Variants in GLI3 observed in about 807,000 individuals in gnomAD.
GLI3 encodes the protein GLI family zinc finger 3, also known as transcription activator GLI3.
GLI3 carries 20 observed loss-of-function variants against 100.8 expected under a neutral mutation model. That is an observed-to-expected ratio of 0.20 (90% CI 0.14 to 0.29). The LOEUF (loss-of-function observed/expected upper bound fraction) is 0.29, where lower values mean the gene tolerates loss of function less well. Ranked by LOEUF, GLI3 falls within the 10% of genes least tolerant of loss-of-function variation. The probability of loss-of-function intolerance (pLI) is 1.00; values close to 1 mark genes in which losing one functional copy is unlikely to be tolerated. For missense variants in GLI3, 2,040 were observed against 2,128.5 expected (o/e 0.96, Z 0.82); for synonymous variants, 938 against 860.5 (o/e 1.09, Z -1.58).
At chr7:42,029,775 C>G (rs76610914) in intron 7 of GLI3, among the ~76,000 whole-genome samples, 2,068 of 152,200 alleles carry the variant, frequency 0.014, 104 homozygotes, top group East Asian at 0.096. Context: ...ACTCATGCCC[C>G]ATCAAAACGA....
intron 10 of GLI3, among the ~76,000 whole-genome samples, chr7:41,994,195 C>T (rs1236223741): frequency 6.6e-6 from 1 of 152,120 alleles, no homozygotes; most frequent in Non-Finnish European, 1.5e-5. Context: ...CCAAGTTATC[C>T]TTGACAAGAT....
Position 42,048,605 on chromosome 7 carries a change from G to A in GLI3, c.565C>T (p.Pro189Ser), listed in dbSNP as rs201940674. 354 of 1,611,664 alleles carry A rather than the reference G, an allele frequency of 2.2e-4. No homozygotes were observed. Among genetic ancestry groups the A allele is most frequent in the Non-Finnish European group, 2.3e-4 (268 of 1,179,152 alleles). ...HRNPTAASESPFSPPHPYINP... is the reference protein window; with the variant it reads ...HRNPTAASESSFSPPHPYINP... Reference sequence around the variant, plus strand: ...ATGTAGGGATGTGGAGGGCTGAAGGGAGACTCGGAAGCAGCAGTGGGGTTC... The same window carrying A: ...ATGTAGGGATGTGGAGGGCTGAAGGAAGACTCGGAAGCAGCAGTGGGGTTC... The change falls in exon 5 of 15, where the codon CCC becomes TCC. Residue 189 changes from proline to serine, a missense_variant. Coordinates refer to ENST00000395925, the MANE Select transcript of GLI3 (RefSeq NM_000168.6).
rs1036583108 is a variant in GLI3, at chr7:41,966,161, G to A, written c.2912C>T (p.Pro971Leu). The A allele has an allele frequency of 2.5e-6, 4 of 1,599,722 alleles. No homozygotes were observed. Among genetic ancestry groups the A allele is most frequent in the Non-Finnish European group, 3.4e-6 (4 of 1,176,304 alleles). Residue 971 changes from proline (P) to leucine (L), a missense_variant, in exon 15 of 15, where the codon CCT (proline) becomes CTT (leucine). Transcript: ENST00000395925. This position sits in a 1 kb window ranked among gnomAD's most constrained non-coding sequence, Gnocchi z 5.8. Reference protein sequence around the residue: ...GDALEPGVALPPVHAPRRCSD... With the variant: ...GDALEPGVALLPVHAPRRCSD... ...GCACCTCCTCGGGGCATGAACTGGA[G>A]GCAGGGCCACGCCAGGCTCGAGGGC...
chr7:41,975,842 A>G (rs1319770141), intron 12 of GLI3, among the ~76,000 whole-genome samples: 1 of 152,250 alleles, frequency 6.6e-6, no homozygotes. Flanking sequence ...CATCTATAGG[A>G]ATGAATGCCC....
intron 3 of GLI3, among the ~76,000 whole-genome samples, chr7:42,080,773 T>C (rs2128752998): frequency 6.6e-6 from 1 of 152,324 alleles, no homozygotes; most frequent in South Asian, 2.1e-4. Context: ...GTACTTGCCT[T>C]GCTGGTGTCT....
rs535443608 is a variant in GLI3 at position 41,967,846 on chromosome 7, C to T, written c.2181G>A (p.Gly727=). The T allele has an allele frequency of 2.5e-6, 4 of 1,614,096 alleles. No individual in the cohort carries two copies. The highest frequency in any genetic ancestry group is 3.3e-5 in the Admixed American group (2 of 60,020). The change falls in exon 14 of 15, where the codon GGG becomes GGA. Residue 727 remains glycine (G), a synonymous_variant. Coordinates refer to ENST00000395925, the MANE Select transcript of GLI3 (RefSeq NM_000168.6). ...QSPISNYSNS[G]LELPLTDGGS... ...CTCCATCGGTCAGAGGAAGCTCGAG[C>T]CCACTGTTGGAATAGTTGCTGATGG...
rs751849855 is a variant in GLI3, at chr7:42,048,473, A to T, written c.679+18T>A. On this transcript the variant is annotated intron_variant, in intron 5 of 14. Coordinates refer to ENST00000395925, the MANE Select transcript of GLI3 (RefSeq NM_000168.6). ...GAGGCTGCATGATCTCCAGAAGCAG[A>T]ATCCATCCTGGACTTACCATCTGTA... is the stretch of plus-strand genomic sequence containing the variant. 1 of 1,556,942 alleles carries T rather than the reference A, an allele frequency of 6.4e-7. No homozygotes were observed. The highest frequency in any genetic ancestry group is 1.7e-5 in the Admixed American group (1 of 59,892).
At chr7:42,020,324 G>C (rs1788900174) in intron 10 of GLI3, among the ~76,000 whole-genome samples, 1 of 152,158 alleles carries the variant, frequency 6.6e-6, no homozygotes, top group Non-Finnish European at 1.5e-5. Context: ...GCAGCTCAAC[G>C]ACTGAACCAG....
At chr7:42,218,327 T>C (rs945282866) in intron 2 of GLI3, among the ~76,000 whole-genome samples, 3 of 151,814 alleles carry the variant, frequency 2.0e-5, no homozygotes, top group Non-Finnish European at 2.9e-5. Context: ...GAGCTTATGG[T>C]GAAGAATAGC....
rs574331872 is a variant in GLI3 at position 42,149,648 on chromosome 7, C to G, written c.125-1180G>C. ...CCACTTAGACATCTAATGTAAAAAC[C>G]GTTTCCTATTCCTATCTTAAAAAAA... On this transcript the variant is annotated intron_variant, in intron 2 of 14. Transcript: ENST00000395925. Among the ~76,000 whole-genome samples the G allele has an allele frequency of 3.7e-4, 57 of 152,188 alleles. 2 individuals are homozygous for G. The South Asian group carries it at 0.012, about 31-fold the overall frequency.
In GLI3 at chr7:42,194,759, C is replaced by CT. The variant is rs61524545; in HGVS notation, c.124+28370dup. The stretch of plus-strand genomic sequence containing the variant: ...AATGCATCAACTTCTCTCTCTGTCT[C>CT]TTTTTTTTTTTTTTTTTGGAGTCGG... On this transcript the variant is annotated intron_variant, in intron 2 of 14. Transcript: ENST00000395925. 4.4e-3 allele frequency among the ~76,000 whole-genome samples: 482 copies of CT among 108,950 alleles called. 11 individuals carry two copies. Among genetic ancestry groups the CT allele is most frequent in the African/African-American group, 0.011 (281 of 24,722 alleles). 71.5% of individuals were successfully genotyped at this position (108,950 alleles called of 152,430 possible). A position where few individuals can be genotyped will look rare whatever the true frequency, so the allele number is the denominator to read the frequency against.
intron 3 of GLI3, among the ~76,000 whole-genome samples, chr7:42,142,775 C>CA (rs776578172): frequency 0.02 from 2,645 of 131,508 alleles, 73 homozygotes; most frequent in African/African-American, 0.067. Context: ...CTAAAAAATA[C>CA]AAAAAAAAAA....
At chr7:42,185,647 C>A (rs1234965157) in intron 2 of GLI3, among the ~76,000 whole-genome samples, 2 of 152,214 alleles carry the variant, frequency 1.3e-5, no homozygotes, top group Non-Finnish European at 2.9e-5. Context: ...CCCTTGTGCA[C>A]TCCTATGCAC....
chr7:42,219,591 T>C (rs1287044384), intron 2 of GLI3, among the ~76,000 whole-genome samples: 1 of 152,206 alleles, frequency 6.6e-6, no homozygotes, highest in African/African-American at 2.4e-5. Flanking sequence ...ACGCATGTTA[T>C]TCCAGGAGCA....
At chr7:42,109,323 T>G (rs551581286) in intron 3 of GLI3, among the ~76,000 whole-genome samples, 5 of 152,322 alleles carry the variant, frequency 3.3e-5, no homozygotes, top group Admixed American at 2.0e-4. Context: ...TTGCTTTCAC[T>G]GACAGGCAAC....
intron 5 of GLI3, 115 bp downstream of exon 5, chr7:42,048,376 C>G (rs183199898): frequency 1.3e-6 from 1 of 790,858 alleles, no homozygotes. Flanking sequence ...CAGAGCACAG[C>G]GCCTGGCACA....
In GLI3 at chr7:41,972,729, A is replaced by G. The variant is rs1787398813; in HGVS notation, c.1813-102T>C. 3 of 955,380 alleles carry G rather than the reference A, an allele frequency of 3.1e-6. No individual in the cohort carries two copies. In the South Asian group the frequency reaches 4.1e-5, roughly 13 times the overall value. The allele number at this position is 955,380 out of a possible 1,614,324, so 59.2% of individuals were successfully genotyped here. On this transcript the variant is annotated intron_variant, in intron 12 of 14. Transcript: ENST00000395925. This position sits in a 1 kb window ranked among gnomAD's most constrained non-coding sequence, Gnocchi z 4.4. Reference sequence around the variant, plus strand: ...TGCTCATTACATTTTTAATCCTTTCAAAACACTTTCACAAGGCTTTGAGGT... The same window carrying G: ...TGCTCATTACATTTTTAATCCTTTCGAAACACTTTCACAAGGCTTTGAGGT...
At chr7:41,973,946 A>T (rs1787434330) in intron 12 of GLI3, among the ~76,000 whole-genome samples, 1 of 152,222 alleles carries the variant, frequency 6.6e-6, no homozygotes, top group Admixed American at 6.5e-5. Flanking sequence ...TGAGCACATC[A>T]AATTCTATGC....
intron 4 of GLI3, among the ~76,000 whole-genome samples, chr7:42,056,724 G>T (rs941424507): frequency 3.9e-5 from 6 of 151,992 alleles, no homozygotes; most frequent in African/African-American, 1.5e-4. Context: ...GCTGAGTCGG[G>T]TGGATCACCT....
Sources: gnomAD v4.1 joint callset for allele counts (sites outside exome capture counted in the v4.1 genomes callset) on GRCh38, gnomAD v4.1.1 for gene constraint, Gnocchi (gnomAD v3.1) non-coding constraint, MANE v1.5 for transcripts, NCBI Gene and HGNC (gene_info 2026-07-23, HGNC 2026-07-21) for gene names.